PPARGC1A: variants seen among roughly 807,000 people sequenced by gnomAD.
PPARGC1A encodes the protein PPARG coactivator 1 alpha, also known as peroxisome proliferator-activated receptor gamma coactivator 1-alpha.
Under a neutral mutation model 88.7 loss-of-function variants are expected in PPARGC1A, and 25 were observed. The observed-to-expected ratio is 0.28, with a 90% CI of 0.21 to 0.39. The LOEUF is 0.39. PPARGC1A is among the 10% of genes least tolerant of loss of function. The pLI is 1.00. For synonymous variants in PPARGC1A, 363 were observed against 355.6 expected, an observed-to-expected ratio of 1.02 and a Z score of -0.24; for missense variants, 880 against 968.7, an observed-to-expected ratio of 0.91 and a Z score of 1.22.
At chr4:23,902,914 G>A (rs1048380317), upstream of PPARGC1A, among the ~76,000 whole-genome samples, 4 of 152,168 alleles carry the variant, frequency 2.6e-5, no homozygotes, top group African/African-American at 9.7e-5. Flanking sequence ...GGCAGTGCTG[G>A]CATTAATTCA....
the PPARGC1A span, among the ~76,000 whole-genome samples, chr4:24,415,194 A>C: frequency 1.3e-5 from 2 of 152,080 alleles, no homozygotes; most frequent in Non-Finnish European, 2.9e-5. Context: ...TGTCAAAAAA[A>C]AAAAGGAAAG....
the PPARGC1A span, among the ~76,000 whole-genome samples, chr4:24,355,571 A>C: frequency 6.6e-6 from 1 of 152,206 alleles, no homozygotes; most frequent in South Asian, 2.1e-4. Context: ...AAAGAAGAAA[A>C]GCTTACCACT....
the PPARGC1A span, among the ~76,000 whole-genome samples, chr4:23,953,059 A>G: frequency 1.3e-5 from 2 of 152,122 alleles, no homozygotes; most frequent in African/African-American, 2.4e-5. Flanking sequence ...TAACTTACTT[A>G]GGTCTAACTT....
chr4:24,459,705 G>T, the PPARGC1A span, among the ~76,000 whole-genome samples: 1 of 152,194 alleles, frequency 6.6e-6, no homozygotes. Flanking sequence ...TGGGAGACTT[G>T]CTTGAGCCCC....
chr4:23,799,520 T>C (rs1205683012), intron 12 of PPARGC1A, among the ~76,000 whole-genome samples: 1 of 152,224 alleles, frequency 6.6e-6, no homozygotes. Context: ...TTCCAAAGCC[T>C]GGCCTCTTCA....
chr4:24,200,664 A>AAAAAAAAAAC, the PPARGC1A span, among the ~76,000 whole-genome samples: 9 of 149,826 alleles, frequency 6.0e-5, 1 homozygote, highest in South Asian at 1.9e-3. Flanking sequence ...GCAAAAAAAA[A>AAAAAAAAAAC]AAAAAAACTC....
At chr4:23,892,619 C>T (rs1718023527), upstream of PPARGC1A, among the ~76,000 whole-genome samples, 1 of 151,278 alleles carries the variant, frequency 6.6e-6, no homozygotes, top group Non-Finnish European at 1.5e-5. Flanking sequence ...TCTGGTTCCC[C>T]GGGCCATTTC....
chr4:24,034,602 T>C, the PPARGC1A span, among the ~76,000 whole-genome samples: 8 of 152,326 alleles, frequency 5.3e-5, no homozygotes, highest in East Asian at 9.6e-4. Flanking sequence ...GATTGTGGTA[T>C]TGAAGAAGCA....
At chr4:23,983,332 A>G in the PPARGC1A span, among the ~76,000 whole-genome samples, 1 of 152,166 alleles carries the variant, frequency 6.6e-6, no homozygotes, top group Non-Finnish European at 1.5e-5. Flanking sequence ...TACTGAATGC[A>G]TGAAGGACAT....
the PPARGC1A span, among the ~76,000 whole-genome samples, chr4:24,077,452 G>A: frequency 6.6e-6 from 1 of 151,962 alleles, no homozygotes; most frequent in Admixed American, 6.6e-5. Flanking sequence ...TGATTTCGAG[G>A]TAAGAGTTAA....
At chr4:23,871,504 T>A (rs938256312) in intron 2 of PPARGC1A, among the ~76,000 whole-genome samples, 1 of 152,236 alleles carries the variant, frequency 6.6e-6, no homozygotes, top group African/African-American at 2.4e-5. Flanking sequence ...TGAACCTGCC[T>A]ATCAGACAGC....
chr4:23,884,607 A>G, intron 2 of PPARGC1A, 145 bp downstream of exon 2: 3 of 626,194 alleles, frequency 4.8e-6, no homozygotes, highest in Non-Finnish European at 7.2e-6. Flanking sequence ...CTGTTTTTCC[A>G]TAAATTAGAA....
the PPARGC1A span, among the ~76,000 whole-genome samples, chr4:24,132,296 G>GAA: frequency 4.2e-3 from 629 of 148,874 alleles, 1 homozygote; most frequent in Non-Finnish European, 5.3e-3. Flanking sequence ...TTCTATATCA[G>GAA]AAAAAAAAAA....
the PPARGC1A span, among the ~76,000 whole-genome samples, chr4:24,257,969 G>A: frequency 6.6e-6 from 1 of 152,042 alleles, no homozygotes; most frequent in Non-Finnish European, 1.5e-5. Context: ...TATCTAGTAA[G>A]CATTGTTTGA....
the PPARGC1A span, among the ~76,000 whole-genome samples, chr4:24,173,347 A>G: frequency 0.022 from 3,295 of 151,840 alleles, 120 homozygotes; most frequent in African/African-American, 0.075. Context: ...CCAAAAAAAA[A>G]AAAAAAAAAA....
At chr4:24,267,088 G>A in the PPARGC1A span, among the ~76,000 whole-genome samples, 2 of 152,118 alleles carry the variant, frequency 1.3e-5, no homozygotes, top group East Asian at 3.9e-4. Context: ...ATGACTTGAT[G>A]ACTCCCATAA....
chr4:24,144,141 G>A, the PPARGC1A span, among the ~76,000 whole-genome samples: 55,123 of 152,004 alleles, frequency 0.36, 12,291 homozygotes, highest in African/African-American at 0.62. Flanking sequence ...GTAAACAATT[G>A]CAATATAGAG....
At chr4:23,959,637 G>T in the PPARGC1A span, among the ~76,000 whole-genome samples, 1 of 152,032 alleles carries the variant, frequency 6.6e-6, no homozygotes, top group African/African-American at 2.4e-5. Flanking sequence ...AATGAGTCTT[G>T]CTGCCCTTCT....
intron 7 of PPARGC1A, among the ~76,000 whole-genome samples, chr4:23,822,327 G>T (rs974955986): frequency 2.0e-5 from 3 of 151,676 alleles, no homozygotes; most frequent in African/African-American, 7.3e-5. Context: ...CATTTTTTTT[G>T]TTTGTTTGTT....
Sources: allele counts gnomAD v4.1 joint callset (sites outside exome capture counted in the v4.1 genomes callset), GRCh38; gene constraint gnomAD v4.1.1; transcripts MANE v1.5; gene names NCBI Gene and HGNC (gene_info 2026-07-23, HGNC 2026-07-21).